Variants in BANK1 observed in about 807,000 individuals in gnomAD.
BANK1 encodes B cell scaffold protein with ankyrin repeats 1, also known as B-cell scaffold protein with ankyrin repeats.
In BANK1, 95 loss-of-function variants were observed where a neutral mutation model predicts 94.5. That is an observed-to-expected ratio of 1.00 (90% CI 0.85 to 1.19). The LOEUF is 1.19. BANK1 is among the 50% of genes most tolerant of loss of function. The pLI is 0.00. For synonymous variants in BANK1, 334 were observed against 308.4 expected, an observed-to-expected ratio of 1.08 and a Z score of -0.87; for missense variants, 987 against 932.2, an observed-to-expected ratio of 1.06 and a Z score of -0.77.
chr4:101,822,179 A>G (rs562191631), intron 1 of BANK1, among the ~76,000 whole-genome samples: 11 of 152,000 alleles, frequency 7.2e-5, no homozygotes, highest in African/African-American at 2.4e-4. Flanking sequence ...ACATGGGGAA[A>G]CCCTGTCTCT....
rs114438417 is a variant in BANK1 at position 101,857,158 on chromosome 4, A to G, written c.624+1969A>G. On this transcript the variant is annotated intron_variant, in intron 3 of 16. Transcript: ENST00000322953. ...TCCAAGTAGTCCGTGAATAGAGACC[A>G]CTTAAGATTACTGCCTTAAGGAAAT... 6.5e-3 allele frequency among the ~76,000 whole-genome samples: 995 copies of G among 152,284 alleles called. 12 individuals are homozygous for G. Among genetic ancestry groups the G allele is most frequent in the African/African-American group, 0.023 (957 of 41,550 alleles).
intron 7 of BANK1, among the ~76,000 whole-genome samples, chr4:101,970,709 C>A (rs1724924072): frequency 6.6e-6 from 1 of 152,050 alleles, no homozygotes; most frequent in Non-Finnish European, 1.5e-5. Flanking sequence ...TCTCCACAGT[C>A]CCCACTGGGA....
At chr4:101,987,122 T>G (rs1378457054) in intron 7 of BANK1, among the ~76,000 whole-genome samples, 1 of 151,694 alleles carries the variant, frequency 6.6e-6, no homozygotes, top group Non-Finnish European at 1.5e-5. Context: ...TACATGCTGT[T>G]GTCTTTAGGA....
At chr4:101,833,245 C>T (rs530137558) in intron 2 of BANK1, among the ~76,000 whole-genome samples, 22 of 152,154 alleles carry the variant, frequency 1.4e-4, no homozygotes, top group Non-Finnish European at 2.6e-4. Context: ...GCCCAAAGTG[C>T]GGGGACTACA....
intron 7 of BANK1, among the ~76,000 whole-genome samples, chr4:102,010,782 A>G (rs1393210488): frequency 6.6e-6 from 1 of 152,254 alleles, no homozygotes; most frequent in African/African-American, 2.4e-5. Flanking sequence ...CACTTAGTTT[A>G]TCACTTAGTT....
chr4:101,839,412 A>G (rs1247353067), intron 2 of BANK1, among the ~76,000 whole-genome samples: 2 of 152,176 alleles, frequency 1.3e-5, no homozygotes, highest in Admixed American at 6.5e-5. Context: ...TCTAAAGCTC[A>G]TCTCATACTT....
intron 7 of BANK1, among the ~76,000 whole-genome samples, chr4:101,928,654 T>C (rs1053588664): frequency 4.0e-5 from 6 of 151,724 alleles, no homozygotes; most frequent in African/African-American, 1.4e-4. Context: ...CTCTCTATTA[T>C]AAGAATGGGT....
Position 101,855,076 on chromosome 4 carries a change from C to T in BANK1, c.511C>T (p.Arg171Ter), listed in dbSNP as rs187331023. 17 of 1,612,962 alleles carry T rather than the reference C, an allele frequency of 1.1e-5. No individual in the cohort carries two copies. Among genetic ancestry groups the T allele is most frequent in the Admixed American group, 6.7e-5 (4 of 59,984 alleles). The change falls in exon 3 of 17, where the codon CGA becomes TGA. Residue 171 changes from arginine (R) to a stop codon, truncating the protein, a stop_gained. Coordinates refer to ENST00000322953, the MANE Select transcript of BANK1 (RefSeq NM_017935.5). LOFTEE classifies it high-confidence loss of function. The stretch of plus-strand genomic sequence containing the variant: ...TGAGGTCAACATTCCAACAGACCTA[C>T]GAGCAAAACATTCTGGGGAAATAAG... ...YFEVNIPTDL[R>*]AKHSGEISER...
chr4:102,044,211 G>T (rs1185405497), intron 11 of BANK1, among the ~76,000 whole-genome samples: 1 of 152,000 alleles, frequency 6.6e-6, no homozygotes, highest in Non-Finnish European at 1.5e-5. Flanking sequence ...TCCCCAGAGT[G>T]TGATATTCCC....
rs1722906955 is a variant in BANK1 at position 101,918,621 on chromosome 4, T to G, written c.1206+432T>G. On this transcript the variant is annotated intron_variant, in intron 7 of 16. Coordinates refer to ENST00000322953, the MANE Select transcript of BANK1 (RefSeq NM_017935.5). ...TAATCATGTTTAGAAAAGCAATTGT[T>G]TTTCTGGTTGTAACAAAGATATGCA... 2.6e-5 allele frequency among the ~76,000 whole-genome samples: 4 copies of G among 152,120 alleles called. No homozygotes were observed. The South Asian group carries it at 8.3e-4, about 32-fold the overall frequency.
chr4:101,802,328 T>C (rs1725380465), intron 1 of BANK1, among the ~76,000 whole-genome samples: 1 of 152,238 alleles, frequency 6.6e-6, no homozygotes, highest in Non-Finnish European at 1.5e-5. Flanking sequence ...CAGAATTGCC[T>C]AATTGATGCC....
chr4:102,007,113 A>ATATAT (rs1726309098), intron 7 of BANK1, among the ~76,000 whole-genome samples: 2 of 93,478 alleles, frequency 2.1e-5, no homozygotes, highest in African/African-American at 8.3e-5. Flanking sequence ...ATATATATAA[A>ATATAT]TATATATTTT....
intron 7 of BANK1, among the ~76,000 whole-genome samples, chr4:101,991,796 T>C (rs1725717597): frequency 6.6e-6 from 1 of 152,232 alleles, no homozygotes; most frequent in Non-Finnish European, 1.5e-5. Context: ...TGTCTATGTG[T>C]ATGTTTGTGT....
intron 7 of BANK1, among the ~76,000 whole-genome samples, chr4:102,006,792 T>G (rs976465916): frequency 6.6e-6 from 1 of 151,448 alleles, no homozygotes; most frequent in Admixed American, 6.6e-5. Context: ...AATTTTATCT[T>G]TAGTAAACCT....
intron 10 of BANK1, among the ~76,000 whole-genome samples, chr4:102,035,856 G>A (rs1402467794): frequency 6.6e-6 from 1 of 151,898 alleles, no homozygotes; most frequent in Non-Finnish European, 1.5e-5. Flanking sequence ...TAATATTGAA[G>A]AGGATCGGGT....
intron 7 of BANK1, among the ~76,000 whole-genome samples, chr4:101,929,558 T>C (rs1175214775): frequency 6.6e-6 from 1 of 151,640 alleles, no homozygotes; most frequent in Non-Finnish European, 1.5e-5. Flanking sequence ...ACAATATTTA[T>C]CAAATTTTCT....
intron 1 of BANK1, among the ~76,000 whole-genome samples, chr4:101,827,594 T>A (rs886623064): frequency 3.9e-5 from 6 of 152,052 alleles, no homozygotes; most frequent in Non-Finnish European, 8.8e-5. Context: ...TTGGTTGTTG[T>A]TCTATATGTA....
At chr4:102,063,235 C>T (rs560911221) in intron 13 of BANK1, 97 bp downstream of exon 13, 514 of 1,078,018 alleles carry the variant, frequency 4.8e-4, no homozygotes, top group Non-Finnish European at 6.8e-4. Flanking sequence ...AAATCTAAAC[C>T]TCAACAATTC....
At chr4:101,895,108 C>T (rs1196606908) in intron 5 of BANK1, among the ~76,000 whole-genome samples, 197 bp from the exon 6 acceptor site, 3 of 151,480 alleles carry the variant, frequency 2.0e-5, no homozygotes, top group Non-Finnish European at 4.4e-5. Context: ...TTCTTGAATC[C>T]ATTTTTCTGT....
Sources: allele counts gnomAD v4.1 joint callset (sites outside exome capture counted in the v4.1 genomes callset), GRCh38; gene constraint gnomAD v4.1.1; transcripts MANE v1.5; gene names NCBI Gene and HGNC (gene_info 2026-07-23, HGNC 2026-07-21).